The following ST8SIA1 variants were observed in gnomAD, a reference collection of about 807,000 sequenced individuals.
ST8SIA1 encodes the protein alpha-N-acetylneuraminide alpha-2,8-sialyltransferase.
Under a neutral mutation model 35.9 loss-of-function variants are expected in ST8SIA1, and 16 were observed. The observed-to-expected ratio is 0.45, with a 90% CI of 0.30 to 0.68. The LOEUF is 0.68. Ranked by LOEUF, ST8SIA1 falls within the 30% of genes least tolerant of loss-of-function variation. The pLI is 0.09. For synonymous variants in ST8SIA1, 170 were observed against 169.6 expected (o/e 1.00, Z -0.02); for missense variants, 383 against 453.6 (o/e 0.84, Z 1.41).
chr12:22,221,298 C>A (rs1193327909), intron 4 of ST8SIA1, among the ~76,000 whole-genome samples: 1 of 151,800 alleles, frequency 6.6e-6, no homozygotes, highest in Non-Finnish European at 1.5e-5. Flanking sequence ...AGCAAAAGGA[C>A]AAGAGGAAGA....
At chr12:22,316,961 T>C (rs1452915530) in intron 1 of ST8SIA1, among the ~76,000 whole-genome samples, 2 of 152,194 alleles carry the variant, frequency 1.3e-5, no homozygotes, top group Non-Finnish European at 2.9e-5. Flanking sequence ...ACAAAACAGA[T>C]GACTTCAATT....
intron 2 of ST8SIA1, among the ~76,000 whole-genome samples, chr12:22,264,018 C>T (rs145210917): frequency 7.2e-5 from 11 of 152,088 alleles, no homozygotes; most frequent in South Asian, 2.1e-4. Context: ...AATTGCATTC[C>T]GACCCTTTTC....
At chr12:22,226,866 G>T (rs974962607) in intron 4 of ST8SIA1, among the ~76,000 whole-genome samples, 1 of 152,080 alleles carries the variant, frequency 6.6e-6, no homozygotes, top group Admixed American at 6.6e-5. Context: ...CCAAGCTAAG[G>T]CTTTGAAATT....
At chr12:22,226,633 T>A (rs1865361780) in intron 4 of ST8SIA1, among the ~76,000 whole-genome samples, 3 of 152,164 alleles carry the variant, frequency 2.0e-5, no homozygotes, top group Admixed American at 2.0e-4. Flanking sequence ...CTCATTATAT[T>A]CATCTCTCTG....
At chr12:22,236,303 A>G (rs1213914595) in intron 4 of ST8SIA1, among the ~76,000 whole-genome samples, 1 of 152,148 alleles carries the variant, frequency 6.6e-6, no homozygotes, top group African/African-American at 2.4e-5. Flanking sequence ...CAGACAGCAC[A>G]CCTTCAAAAC....
At chr12:22,303,669 T>A (rs758983499) in intron 1 of ST8SIA1, among the ~76,000 whole-genome samples, 9 of 152,168 alleles carry the variant, frequency 5.9e-5, no homozygotes, top group South Asian at 2.1e-4. Context: ...TTTGCTTAAC[T>A]TTTTTTGTTG....
chr12:22,225,015 C>G (rs1413447081), intron 4 of ST8SIA1, among the ~76,000 whole-genome samples: 1 of 152,112 alleles, frequency 6.6e-6, no homozygotes, highest in Admixed American at 6.5e-5. Flanking sequence ...TGTGTGAGGA[C>G]AGAGGCAGAG....
intron 1 of ST8SIA1, among the ~76,000 whole-genome samples, chr12:22,302,298 T>C (rs1395500926): frequency 6.6e-6 from 1 of 152,212 alleles, no homozygotes; most frequent in Non-Finnish European, 1.5e-5. Flanking sequence ...CTTTGCTTTC[T>C]TAAAGCCCTG....
chr12:22,306,492 T>A (rs534106690), intron 1 of ST8SIA1, among the ~76,000 whole-genome samples: 1 of 152,286 alleles, frequency 6.6e-6, no homozygotes, highest in African/African-American at 2.4e-5. Flanking sequence ...GTAACAAAAT[T>A]CCAGAATGTT....
chr12:22,329,113 G>T (rs4133369), intron 1 of ST8SIA1, among the ~76,000 whole-genome samples: 2 of 151,924 alleles, frequency 1.3e-5, no homozygotes, highest in Admixed American at 6.6e-5. Context: ...AGAATAAAAA[G>T]AAAAACTGAT....
At chr12:22,278,515 C>T (rs1312095112) in intron 2 of ST8SIA1, among the ~76,000 whole-genome samples, 1 of 152,010 alleles carries the variant, frequency 6.6e-6, no homozygotes, top group Admixed American at 6.6e-5. Flanking sequence ...ATATACTATC[C>T]TCTGAATAGT....
At chr12:22,330,074 C>T (rs1052724162) in intron 1 of ST8SIA1, among the ~76,000 whole-genome samples, 2 of 152,222 alleles carry the variant, frequency 1.3e-5, no homozygotes, top group African/African-American at 4.8e-5. Context: ...ACAGTAAACA[C>T]ATCAGGCACT....
intron 2 of ST8SIA1, among the ~76,000 whole-genome samples, chr12:22,273,282 A>T (rs1865932794): frequency 6.6e-6 from 1 of 152,128 alleles, no homozygotes; most frequent in South Asian, 2.1e-4. Context: ...TATTTTTCAT[A>T]TACCCACACT....
At chr12:22,232,986 C>T (rs1426017128) in intron 4 of ST8SIA1, among the ~76,000 whole-genome samples, 1 of 152,086 alleles carries the variant, frequency 6.6e-6, no homozygotes, top group Non-Finnish European at 1.5e-5. Context: ...TAACAACTGA[C>T]TACTGCAATT....
At chr12:22,211,292 C>T (rs572777953) in intron 4 of ST8SIA1, among the ~76,000 whole-genome samples, 2 of 152,250 alleles carry the variant, frequency 1.3e-5, no homozygotes, top group South Asian at 2.1e-4. Context: ...TTGATTGAAC[C>T]GCTGGCCACT....
intron 2 of ST8SIA1, among the ~76,000 whole-genome samples, chr12:22,285,877 C>CAAAAAAAACAAAAAAAAACAA (rs67273710): frequency 1.9e-5 from 2 of 103,630 alleles, no homozygotes; most frequent in South Asian, 3.5e-4. Context: ...CTGTCAAAAA[C>CAAAAAAAACAAAAAAAAACAA]AAAAAAAAAA....
chr12:22,250,359 G>T (rs1047672543), intron 3 of ST8SIA1, among the ~76,000 whole-genome samples: 1 of 152,162 alleles, frequency 6.6e-6, no homozygotes, highest in Non-Finnish European at 1.5e-5. Flanking sequence ...CAACCTTGAT[G>T]TGTACACTTA....
intron 4 of ST8SIA1, among the ~76,000 whole-genome samples, chr12:22,203,247 C>T (rs10841974): frequency 6.6e-6 from 1 of 151,816 alleles, no homozygotes; most frequent in Non-Finnish European, 1.5e-5. Flanking sequence ...AAAGCAATGA[C>T]CTAGATTAGG....
intron 3 of ST8SIA1, among the ~76,000 whole-genome samples, chr12:22,250,256 G>A (rs1159688824): frequency 6.6e-6 from 1 of 152,126 alleles, no homozygotes; most frequent in Non-Finnish European, 1.5e-5. Context: ...CCTGACTTCA[G>A]TTTCTCCATT....
Sources: gnomAD v4.1 joint callset for allele counts (sites outside exome capture counted in the v4.1 genomes callset) on GRCh38, gnomAD v4.1.1 for gene constraint, MANE v1.5 for transcripts, NCBI Gene and HGNC (gene_info 2026-07-23, HGNC 2026-07-21) for gene names.